Variants in CATSPERT observed in about 807,000 individuals in gnomAD.
CATSPERT encodes the protein cation channel sperm-associated targeting subunit tau.
the CATSPERT span, chr2:201,565,619 G>A: frequency 1.8e-6 from 2 of 1,115,066 alleles, no homozygotes; most frequent in Non-Finnish European, 2.4e-6. Flanking sequence ...GAAAGTTTCT[G>A]AGCCTATAGC....
chr2:201,537,838 A>G, the CATSPERT span, among the ~76,000 whole-genome samples: 2 of 152,028 alleles, frequency 1.3e-5, no homozygotes, highest in Non-Finnish European at 2.9e-5. Context: ...AGGACCATTC[A>G]AGGAAGGCTG....
the CATSPERT span, among the ~76,000 whole-genome samples, chr2:201,529,338 G>A: frequency 6.6e-6 from 1 of 151,938 alleles, no homozygotes; most frequent in Non-Finnish European, 1.5e-5. Context: ...ACAACTCCCT[G>A]GTTTCAAATT....
the CATSPERT span, among the ~76,000 whole-genome samples, chr2:201,532,859 T>C: frequency 1.3e-5 from 2 of 152,122 alleles, no homozygotes; most frequent in Admixed American, 6.5e-5. Context: ...GGGGACTCAG[T>C]TGTGGGTTCA....
At chr2:201,575,304 A>T in the CATSPERT span, 1 of 1,593,708 alleles carries the variant, frequency 6.3e-7, no homozygotes, top group African/African-American at 1.3e-5. Context: ...CAACACTTGG[A>T]CCTCTTCAAT....
chr2:201,592,899 T>C, the CATSPERT span, among the ~76,000 whole-genome samples: 1 of 152,224 alleles, frequency 6.6e-6, no homozygotes, highest in Non-Finnish European at 1.5e-5. Flanking sequence ...TTGCTAGCGG[T>C]CTATCAATTT....
At chr2:201,603,253 A>G in the CATSPERT span, 2 of 1,611,678 alleles carry the variant, frequency 1.2e-6, no homozygotes, top group Non-Finnish European at 1.7e-6. Flanking sequence ...GCAGTTCTTT[A>G]TATGAATGCC....
At chr2:201,526,375 G>A in the CATSPERT span, among the ~76,000 whole-genome samples, 6 of 151,864 alleles carry the variant, frequency 4.0e-5, no homozygotes, top group Non-Finnish European at 5.9e-5. Flanking sequence ...AAAATTAGGC[G>A]GGTGTGGTGG....
chr2:201,601,635 C>A, the CATSPERT span: 1 of 1,107,162 alleles, frequency 9.0e-7, no homozygotes, highest in Non-Finnish European at 1.3e-6. Context: ...GCACTTACTG[C>A]TTTTGTTTCT....
At chr2:201,542,908 T>C in the CATSPERT span, among the ~76,000 whole-genome samples, 1 of 152,176 alleles carries the variant, frequency 6.6e-6, no homozygotes, top group East Asian at 1.9e-4. Flanking sequence ...TGGTGTCTTA[T>C]CCAATAAATC....
At chr2:201,516,919 T>G in the CATSPERT span, among the ~76,000 whole-genome samples, 1 of 134,834 alleles carries the variant, frequency 7.4e-6, no homozygotes, top group African/African-American at 2.6e-5. Flanking sequence ...AAAGCTGGAG[T>G]AATAGGAAGG....
chr2:201,583,621 T>C, the CATSPERT span, among the ~76,000 whole-genome samples: 1 of 152,232 alleles, frequency 6.6e-6, no homozygotes, highest in African/African-American at 2.4e-5. Flanking sequence ...GGTCCCAAAC[T>C]GGTAGTGGGC....
the CATSPERT span, among the ~76,000 whole-genome samples, chr2:201,616,869 A>G: frequency 6.6e-6 from 1 of 152,242 alleles, no homozygotes; most frequent in East Asian, 1.9e-4. Flanking sequence ...GTCTTAGGAT[A>G]CAAAATCAAT....
chr2:201,568,111 A>G, the CATSPERT span, among the ~76,000 whole-genome samples: 1 of 152,072 alleles, frequency 6.6e-6, no homozygotes, highest in African/African-American at 2.4e-5. Context: ...CCCATCCTTC[A>G]CTGTATACAG....
the CATSPERT span, among the ~76,000 whole-genome samples, chr2:201,601,508 T>C: frequency 6.6e-6 from 1 of 152,024 alleles, no homozygotes; most frequent in Non-Finnish European, 1.5e-5. Flanking sequence ...GACAGTAACA[T>C]CTCAGGAAAG....
At chr2:201,597,445 A>G in the CATSPERT span, among the ~76,000 whole-genome samples, 1 of 152,138 alleles carries the variant, frequency 6.6e-6, no homozygotes, top group Non-Finnish European at 1.5e-5. Context: ...AAACCTGCTC[A>G]ACAAATTCCA....
the CATSPERT span, among the ~76,000 whole-genome samples, chr2:201,515,181 A>G: frequency 9.0e-5 from 10 of 111,540 alleles, no homozygotes; most frequent in Admixed American, 2.1e-4. Flanking sequence ...AAAGGAATTG[A>G]GTGTTGTGAA....
chr2:201,495,257 A>G, the CATSPERT span, among the ~76,000 whole-genome samples: 1 of 152,102 alleles, frequency 6.6e-6, no homozygotes, highest in East Asian at 1.9e-4. Flanking sequence ...GGCATATATC[A>G]TCTACCTTTA....
At chr2:201,581,516 ATATAT>A in the CATSPERT span, among the ~76,000 whole-genome samples, 2 of 62,838 alleles carry the variant, frequency 3.2e-5, no homozygotes, top group Admixed American at 1.9e-4. Context: ...ATATATATAT[ATATAT>A]ATAAAATATT....
At chr2:201,541,815 T>C in the CATSPERT span, among the ~76,000 whole-genome samples, 1 of 151,856 alleles carries the variant, frequency 6.6e-6, no homozygotes, top group Non-Finnish European at 1.5e-5. Context: ...AGGCTGGTCT[T>C]GAACTCCTGA....
Sources: gnomAD v4.1 joint callset for allele counts (sites outside exome capture counted in the v4.1 genomes callset) on GRCh38, gnomAD v4.1.1 for gene constraint, MANE v1.5 for transcripts, NCBI Gene and HGNC (gene_info 2026-07-23, HGNC 2026-07-21) for gene names.